The following TMEFF2 variants were observed in gnomAD, a reference collection of about 807,000 sequenced individuals.
The protein encoded by TMEFF2 is tomoregulin-2.
TMEFF2 carries 28 observed loss-of-function variants against 53.8 expected under a neutral mutation model. The observed-to-expected ratio is 0.52, with a 90% CI of 0.39 to 0.71. The LOEUF (loss-of-function observed/expected upper bound fraction) is 0.71. Ranked by LOEUF, TMEFF2 falls within the 30% of genes least tolerant of loss-of-function variation. The pLI is 0.00. For missense variants in TMEFF2, 353 were observed against 455.2 expected (o/e 0.78, Z 2.04); for synonymous variants, 162 against 166.3 (o/e 0.97, Z 0.20).
chr2:192,121,461 G>A lies in TMEFF2; in HGVS notation c.439+58207C>T, dbSNP rs10164970. 6.8e-3 allele frequency among the ~76,000 whole-genome samples: 1,033 copies of A among 152,146 alleles called. 8 individuals carry two copies. Among genetic ancestry groups the A allele is most frequent in the African/African-American group, 0.024 (998 of 41,524 alleles). ...CAAAGTAGAAGGAGGGGAAGGAGGA[G>A]GTGGAAGGACCAGGCTATAGGGGCA... On this transcript the variant is annotated intron_variant, in intron 4 of 9. Transcript: ENST00000272771.
intron 1 of TMEFF2, 110 bp from the exon 2 acceptor site, chr2:192,192,099 A>C: frequency 1.4e-6 from 1 of 710,750 alleles, no homozygotes; most frequent in South Asian, 1.8e-5. Flanking sequence ...TAAATCCAAC[A>C]ACTATAGCTG....
rs1032233923 is a variant in TMEFF2, at chr2:191,950,114, A to G, written c.*197T>C. 1 of 1,326,790 alleles carries G rather than the reference A, an allele frequency of 7.5e-7. No homozygotes were observed. Among genetic ancestry groups the G allele is most frequent in the African/African-American group, 1.5e-5 (1 of 67,492 alleles). The allele number at this position is 1,326,790 out of a possible 1,614,324, so 82.2% of individuals were successfully genotyped here. On this transcript the variant is annotated 3_prime_UTR_variant, in exon 10 of 10. Coordinates refer to ENST00000272771, the MANE Select transcript of TMEFF2 (RefSeq NM_016192.4). ...AAATAGTTTATTTACATTACAGAAA[A>G]AACATCAAGACAATGTATACTATTT...
At chr2:192,022,926 T>C (rs1396577367) in intron 5 of TMEFF2, among the ~76,000 whole-genome samples, 7 of 152,186 alleles carry the variant, frequency 4.6e-5, no homozygotes, top group Admixed American at 4.6e-4. Flanking sequence ...TATCTCCCAA[T>C]CAGTCACACT....
intron 4 of TMEFF2, among the ~76,000 whole-genome samples, chr2:192,062,334 A>G (rs1688064371): frequency 6.6e-6 from 1 of 152,144 alleles, no homozygotes; most frequent in South Asian, 2.1e-4. Flanking sequence ...TCAATAGTTT[A>G]TATCTTTTTA....
intron 5 of TMEFF2, chr2:192,031,425 GC>G (rs1416067361): frequency 6.6e-6 from 1 of 152,084 alleles, no homozygotes; most frequent in Non-Finnish European, 1.5e-5. Flanking sequence ...AATCAGAGCG[GC>G]AAAAATATTT....
At chr2:192,139,878 T>C (rs937908503) in intron 4 of TMEFF2, among the ~76,000 whole-genome samples, 2 of 152,194 alleles carry the variant, frequency 1.3e-5, no homozygotes, top group African/African-American at 4.8e-5. Flanking sequence ...GGGATTCTAA[T>C]TGTAAATCTG....
chr2:192,096,105 G>T (rs1688896593), intron 4 of TMEFF2, among the ~76,000 whole-genome samples: 1 of 152,072 alleles, frequency 6.6e-6, no homozygotes, highest in Non-Finnish European at 1.5e-5. Flanking sequence ...GCATTTGGAT[G>T]GGTGTTCTAC....
chr2:192,049,469 A>G (rs924008515), intron 5 of TMEFF2, among the ~76,000 whole-genome samples: 2 of 152,192 alleles, frequency 1.3e-5, no homozygotes, highest in African/African-American at 4.8e-5. Context: ...GATAACTACA[A>G]TGAGATTCCT....
At chr2:192,027,662 G>A (rs1180880030) in intron 5 of TMEFF2, among the ~76,000 whole-genome samples, 1 of 152,160 alleles carries the variant, frequency 6.6e-6, no homozygotes, top group Non-Finnish European at 1.5e-5. Context: ...GGGCAGGGCT[G>A]GCTTTACAGG....
At chr2:191,965,498 G>A (rs1692444429) in intron 7 of TMEFF2, among the ~76,000 whole-genome samples, 1 of 152,106 alleles carries the variant, frequency 6.6e-6, no homozygotes, top group Non-Finnish European at 1.5e-5. Context: ...CTTTCTAGAA[G>A]AGAAAACGTG....
chr2:192,112,714 T>C (rs1689312949), intron 4 of TMEFF2, among the ~76,000 whole-genome samples: 1 of 152,180 alleles, frequency 6.6e-6, no homozygotes, highest in Admixed American at 6.6e-5. Flanking sequence ...AATCTCATCT[T>C]GAATTGTACC....
intron 5 of TMEFF2, among the ~76,000 whole-genome samples, chr2:192,002,181 A>G (rs764549214): frequency 2.1e-4 from 32 of 152,142 alleles, no homozygotes; most frequent in Non-Finnish European, 2.2e-4. Flanking sequence ...TGTTGCCTCA[A>G]ATAAAGCCTT....
At chr2:192,078,790 C>T (rs1688489552) in intron 4 of TMEFF2, among the ~76,000 whole-genome samples, 1 of 152,174 alleles carries the variant, frequency 6.6e-6, no homozygotes, top group African/African-American at 2.4e-5. Context: ...AAGGAAAAAA[C>T]TATAAATGTT....
rs145263693 is a variant in TMEFF2, at chr2:191,987,276, G to A, written c.745+10986C>T. Among the ~76,000 whole-genome samples the A allele has an allele frequency of 7.5e-3, 1,146 of 152,196 alleles. 12 individuals are homozygous for A. Among genetic ancestry groups the A allele is most frequent in the Non-Finnish European group, 8.1e-3 (554 of 68,002 alleles). On this transcript the variant is annotated intron_variant, in intron 7 of 9. Coordinates refer to ENST00000272771, the MANE Select transcript of TMEFF2 (RefSeq NM_016192.4). ...AATGAGGAGGAGGAAGGTTGGTAGA[G>A]GCAAAATTGAGAACTGCTGCCATAA...
At chr2:191,991,587 G>A (rs1246215006) in intron 7 of TMEFF2, among the ~76,000 whole-genome samples, 5 of 152,030 alleles carry the variant, frequency 3.3e-5, no homozygotes, top group Non-Finnish European at 4.4e-5. Flanking sequence ...AAATTACCAC[G>A]ATAGCATGGC....
intron 4 of TMEFF2, among the ~76,000 whole-genome samples, chr2:192,145,610 T>C (rs888474772): frequency 1.3e-5 from 2 of 151,966 alleles, no homozygotes; most frequent in Admixed American, 6.6e-5. Context: ...CTCTTCTGCA[T>C]AATTGAAAAA....
chr2:192,004,157 G>A (rs1574283932), intron 5 of TMEFF2, among the ~76,000 whole-genome samples: 1 of 152,100 alleles, frequency 6.6e-6, no homozygotes, highest in African/African-American at 2.4e-5. Flanking sequence ...AATATTCATT[G>A]TGCTATATAT....
intron 7 of TMEFF2, among the ~76,000 whole-genome samples, chr2:191,986,982 C>A (rs573265587): frequency 6.6e-6 from 1 of 152,102 alleles, no homozygotes; most frequent in East Asian, 1.9e-4. Context: ...ATTAGGCAGG[C>A]CAACTCTGGA....
intron 5 of TMEFF2, among the ~76,000 whole-genome samples, chr2:192,012,065 G>A (rs1454767546): frequency 2.6e-5 from 4 of 151,840 alleles, no homozygotes; most frequent in African/African-American, 7.3e-5. Context: ...CACCAGGCCC[G>A]GCTAATTTTT....
Sources: allele counts gnomAD v4.1 joint callset (sites outside exome capture counted in the v4.1 genomes callset), GRCh38; gene constraint gnomAD v4.1.1; transcripts MANE v1.5; gene names NCBI Gene and HGNC (gene_info 2026-07-23, HGNC 2026-07-21).